Variants in OR1M1 observed in about 807,000 individuals in gnomAD.
The protein encoded by OR1M1 is olfactory receptor family 1 subfamily M member 1.
For missense variants in OR1M1, 397 were observed against 401.8 expected, an observed-to-expected ratio of 0.99 and a Z score of 0.10; for synonymous variants, 157 against 165.5, an observed-to-expected ratio of 0.95 and a Z score of 0.39.
rs747874489 is a variant in OR1M1, at chr19:9,093,293, C to G, written c.49C>G (p.Leu17Val). 2 of 1,613,690 alleles carry G rather than the reference C, an allele frequency of 1.2e-6. No individual in the cohort carries two copies. The highest frequency in any genetic ancestry group is 1.7e-6 in the Non-Finnish European group (2 of 1,179,874). ...TSASQFILLG[L>V]SEKPEQETLL... ...TGCATCTCAATTCATCCTCCTGGGA[C>G]TCTCAGAAAAGCCAGAGCAGGAGAC... Residue 17 changes from leucine (L) to valine (V), a missense_variant, in exon 2 of 2, where the codon CTC (leucine) becomes GTC (valine). Leu to Val is a conservative substitution (Grantham distance 32). Coordinates refer to ENST00000641627, the MANE Select transcript of OR1M1 (RefSeq NM_001004456.2).
Position 9,093,242 on chromosome 19 carries a change from C to T in OR1M1, c.-3C>T, listed in dbSNP as rs773968677. 6 of 1,595,820 alleles carry T rather than the reference C, an allele frequency of 3.8e-6. No individual in the cohort carries two copies. The East Asian group carries it at 1.1e-4, about 30-fold the overall frequency. On this transcript the variant is annotated 5_prime_UTR_variant, in exon 2 of 2. Coordinates refer to ENST00000641627, the MANE Select transcript of OR1M1 (RefSeq NM_001004456.2). ...TTTCCATACTTCCAGAGGAATCACACCCATGGAACCAAGAAACCAAACCAG... is the reference window on the plus strand; with the variant it reads ...TTTCCATACTTCCAGAGGAATCACATCCATGGAACCAAGAAACCAAACCAG...
At chr19:9,093,073 T>TAA (rs1491249156) in intron 1 of OR1M1, 159 bp from the exon 2 acceptor site, 1 of 448,856 alleles carries the variant, frequency 2.2e-6, no homozygotes, top group African/African-American at 2.4e-5. Context: ...ATATATATTC[T>TAA]ATATATACAC....
chr19:9,093,932 T>A lies in OR1M1; in HGVS notation c.688T>A (p.Ser230Thr). 1 of 1,614,184 alleles carries A rather than the reference T, an allele frequency of 6.2e-7. No homozygotes were observed. Among genetic ancestry groups the A allele is most frequent in the Non-Finnish European group, 8.5e-7 (1 of 1,180,034 alleles). The change falls in exon 2 of 2, where the codon TCT becomes ACT. Residue 230 changes from serine (S) to threonine (T), a missense_variant. Ser to Thr is a moderately conservative substitution (Grantham distance 58, BLOSUM62 1). Coordinates refer to ENST00000641627, the MANE Select transcript of OR1M1 (RefSeq NM_001004456.2). The part of the protein sequence containing the change: ...RILVAIMKVP[S>T]AGGRKKAFST... ...CCTTGTGGCCATCATGAAGGTCCCC[T>A]CTGCAGGCGGCAGGAAGAAAGCCTT...
chr19:9,093,169 G>A (rs982746029), intron 1 of OR1M1, 63 bp from the exon 2 acceptor site: 92 of 923,832 alleles, frequency 1.0e-4, no homozygotes, highest in Non-Finnish European at 3.8e-5. Flanking sequence ...GGATGTGATC[G>A]CATCTAACTT....
In OR1M1 at chr19:9,093,963, C is replaced by A. The variant is rs1238713137; in HGVS notation, c.719C>A (p.Thr240Asn). The part of the protein sequence containing the change: ...SAGGRKKAFS[T>N]CSSHLSVVAL... Reference sequence around the variant, plus strand: ...GGCGGCAGGAAGAAAGCCTTCTCCACCTGCAGCTCCCACCTGTCTGTGGTT... The same window carrying A: ...GGCGGCAGGAAGAAAGCCTTCTCCAACTGCAGCTCCCACCTGTCTGTGGTT... Residue 240 changes from threonine to asparagine, a missense_variant, in exon 2 of 2, where the codon ACC becomes AAC. Thr to Asn is a moderately conservative substitution (Grantham distance 65). Coordinates refer to ENST00000641627, the MANE Select transcript of OR1M1 (RefSeq NM_001004456.2). 5.0e-6 allele frequency: 8 copies of A among 1,614,064 alleles called. No individual in the cohort carries two copies. The highest frequency in any genetic ancestry group is 1.6e-4 in the Middle Eastern group (1 of 6,084).
intron 1 of OR1M1, among the ~76,000 whole-genome samples, chr19:9,091,618 C>T (rs534239611): frequency 1.3e-5 from 2 of 151,598 alleles, no homozygotes; most frequent in African/African-American, 4.8e-5. Context: ...AAGATCGTGC[C>T]ACTGCACTCC....
chr19:9,092,677 G>A (rs1194468394), intron 1 of OR1M1, among the ~76,000 whole-genome samples: 1 of 151,776 alleles, frequency 6.6e-6, no homozygotes, highest in Non-Finnish European at 1.5e-5. Flanking sequence ...CGAGGTGGGC[G>A]GATCACGAGG....
At chr19:9,088,954 A>G (rs2050278711) in intron 1 of OR1M1, among the ~76,000 whole-genome samples, 1 of 152,164 alleles carries the variant, frequency 6.6e-6, no homozygotes, top group South Asian at 2.1e-4. Context: ...TGAGGTACAT[A>G]GTAATGTTTC....
In OR1M1 at chr19:9,088,959, T is replaced by C. The variant is rs1358274060; in HGVS notation, c.-14+1802T>C. On this transcript the variant is annotated intron_variant, in intron 1 of 1. Coordinates refer to ENST00000641627, the MANE Select transcript of OR1M1 (RefSeq NM_001004456.2). ...TATATATTTATGAGGTACATAGTAA[T>C]GTTTCCATATATGTAATGTATAGTG... Among the ~76,000 whole-genome samples the C allele has an allele frequency of 3.9e-5, 6 of 152,194 alleles. No individual in the cohort carries two copies. The East Asian group carries it at 1.2e-3, about 29-fold the overall frequency.
In OR1M1 at chr19:9,088,813, G is replaced by A. The variant is rs115724969; in HGVS notation, c.-14+1656G>A. Among the ~76,000 whole-genome samples the A allele has an allele frequency of 8.9e-3, 1,353 of 151,812 alleles. 21 individuals are homozygous for A. The highest frequency in any genetic ancestry group is 0.03 in the African/African-American group (1,234 of 41,408). On this transcript the variant is annotated intron_variant, in intron 1 of 1. Transcript: ENST00000641627. ...TGAGGCCAGAGAACCATTTATATCCGGGAGGCAGAGGTTGCAGTGAGCTGA... is the reference window on the plus strand; with the variant it reads ...TGAGGCCAGAGAACCATTTATATCCAGGAGGCAGAGGTTGCAGTGAGCTGA...
chr19:9,089,086 A>G (rs941890512), intron 1 of OR1M1, among the ~76,000 whole-genome samples: 8 of 152,244 alleles, frequency 5.3e-5, no homozygotes, highest in African/African-American at 1.9e-4. Context: ...GCTATATAGC[A>G]TATTATTGTT....
In OR1M1 at chr19:9,093,696, T is replaced by C. The variant is rs749116821; in HGVS notation, c.452T>C (p.Phe151Ser). The C allele has an allele frequency of 5.6e-6, 9 of 1,613,970 alleles. No individual in the cohort carries two copies. The highest frequency in any genetic ancestry group is 3.3e-5 in the Admixed American group (2 of 59,996). The change falls in exon 2 of 2, where the codon TTT (phenylalanine) becomes TCT (serine). Residue 151 changes from phenylalanine (F) to serine (S), a missense_variant. Coordinates refer to ENST00000641627, the MANE Select transcript of OR1M1 (RefSeq NM_001004456.2). Reference protein sequence around the residue: ...CRLLVGALWAFSCFISLTHIL... With the variant: ...CRLLVGALWASSCFISLTHIL... ...CTGCTGGTCGGCGCCCTCTGGGCGT[T>C]TTCCTGCTTCATCTCACTCACTCAC...
At position 9,087,153 on chromosome 19, in the gene OR1M1, G is replaced by C. The variant is rs138512494; in HGVS notation, c.-18G>C. The C allele has an allele frequency of 1.2e-4, 16 of 131,816 alleles. No homozygotes were observed. Among genetic ancestry groups the C allele is most frequent in the African/African-American group, 4.5e-4 (15 of 33,654 alleles). 8.2% of individuals were successfully genotyped at this position (131,816 alleles called of 1,614,324 possible). A position where few individuals can be genotyped will look rare whatever the true frequency, so the allele number is the denominator to read the frequency against. ...GATGGTGTCAAGAAGAGGAAAGATA[G>C]CCCAGTGAGTGAGCTGAGAGAGAGA... On this transcript the variant is annotated 5_prime_UTR_variant, in exon 1 of 2. Coordinates refer to ENST00000641627, the MANE Select transcript of OR1M1 (RefSeq NM_001004456.2).
At chr19:9,089,120 A>G (rs2050279406) in intron 1 of OR1M1, among the ~76,000 whole-genome samples, 1 of 152,178 alleles carries the variant, frequency 6.6e-6, no homozygotes, top group South Asian at 2.1e-4. Context: ...CTACAGGGAT[A>G]TAGAACACTA....
In OR1M1 at chr19:9,093,834, T is replaced by A; in HGVS notation, c.590T>A (p.Ile197Asn). Residue 197 changes from isoleucine to asparagine, a missense_variant, in exon 2 of 2, where the codon ATC becomes AAC. Physicochemically the swap from Ile to Asn is moderately radical, Grantham distance 149 (BLOSUM62 -3). Coordinates refer to ENST00000641627, the MANE Select transcript of OR1M1 (RefSeq NM_001004456.2). ...LSCTDTSVNR[I>N]FILIVAGMVI... is the part of the protein sequence containing the mutation. ...TGCACGGACACCTCTGTGAATAGGATCTTCATCCTCATTGTGGCAGGGATG... is the reference window on the plus strand; with the variant it reads ...TGCACGGACACCTCTGTGAATAGGAACTTCATCCTCATTGTGGCAGGGATG... 4.3e-6 allele frequency: 7 copies of A among 1,614,078 alleles called. No homozygotes were observed. The highest frequency in any genetic ancestry group is 5.9e-6 in the Non-Finnish European group (7 of 1,180,030).
rs1600199659 is a variant in OR1M1 at position 9,093,765 on chromosome 19, T to G, written c.521T>G (p.Val174Gly). ...CTCGTTTTCTGCGGCAGCCATGAGG[T>G]GCCTCACTACTTCTGCGACCTCACT... is the stretch of plus-strand genomic sequence containing the variant. ...ARLVFCGSHE[V>G]PHYFCDLTPI... is the part of the protein sequence containing the mutation. The change falls in exon 2 of 2, where the codon GTG becomes GGG. Residue 174 changes from valine to glycine, a missense_variant. Coordinates refer to ENST00000641627, the MANE Select transcript of OR1M1 (RefSeq NM_001004456.2). The G allele has an allele frequency of 6.2e-7, 1 of 1,613,946 alleles. No homozygotes were observed. The highest frequency in any genetic ancestry group is 1.3e-5 in the African/African-American group (1 of 75,056).
At position 9,094,821 on chromosome 19, in the gene OR1M1, T is replaced by G. The variant is rs1470830071; in HGVS notation, c.*635T>G. On this transcript the variant is annotated 3_prime_UTR_variant, in exon 2 of 2. Coordinates refer to ENST00000641627, the MANE Select transcript of OR1M1 (RefSeq NM_001004456.2). The stretch of plus-strand genomic sequence containing the variant: ...TTTCTTTTTGTTTTCTTTTTTGTTT[T>G]TGAGACAGAGTCTCATTCTGTCACC... 6.6e-6 allele frequency: 1 copy of G among 152,088 alleles called. No homozygotes were observed. Among genetic ancestry groups the G allele is most frequent in the Non-Finnish European group, 1.5e-5 (1 of 68,354 alleles). 9.4% of individuals were successfully genotyped at this position (152,088 alleles called of 1,614,324 possible).
rs1303498670 is a variant in OR1M1 at position 9,094,044 on chromosome 19, C to G, written c.800C>G (p.Thr267Ser). 6.2e-7 allele frequency: 1 copy of G among 1,614,066 alleles called. No individual in the cohort carries two copies. The highest frequency in any genetic ancestry group is 8.5e-7 in the Non-Finnish European group (1 of 1,180,018). Residue 267 changes from threonine to serine, a missense_variant, in exon 2 of 2, where the codon ACC (threonine) becomes AGC (serine). Thr to Ser is a moderately conservative substitution (Grantham distance 58). Coordinates refer to ENST00000641627, the MANE Select transcript of OR1M1 (RefSeq NM_001004456.2). The part of the protein sequence containing the change: ...GVYLCPSSVL[T>S]TVKEKASAVM... Reference sequence around the variant, plus strand: ...TATCTGTGTCCCTCCTCGGTCCTCACCACTGTGAAGGAGAAAGCTTCTGCG... The same window carrying G: ...TATCTGTGTCCCTCCTCGGTCCTCAGCACTGTGAAGGAGAAAGCTTCTGCG...
In OR1M1 at chr19:9,093,580, C is replaced by A. The variant is rs757891606; in HGVS notation, c.336C>A (p.Ser112Arg). The part of the protein sequence containing the change: ...YFFHFFGIVD[S>R]VIIAMMAYDR... The stretch of plus-strand genomic sequence containing the variant: ...TCCATTTCTTTGGCATCGTGGACAG[C>A]GTCATAATCGCCATGATGGCTTATG... Residue 112 changes from serine to arginine, a missense_variant, in exon 2 of 2, where the codon AGC becomes AGA. By Grantham distance (110) the Ser-to-Arg change is moderately radical. Coordinates refer to ENST00000641627, the MANE Select transcript of OR1M1 (RefSeq NM_001004456.2). 6.2e-7 allele frequency: 1 copy of A among 1,613,978 alleles called. No homozygotes were observed. Among genetic ancestry groups the A allele is most frequent in the Non-Finnish European group, 8.5e-7 (1 of 1,179,966 alleles).
Sources: gnomAD v4.1 joint callset for allele counts (sites outside exome capture counted in the v4.1 genomes callset) on GRCh38, gnomAD v4.1.1 for gene constraint, MANE v1.5 for transcripts, NCBI Gene and HGNC (gene_info 2026-07-23, HGNC 2026-07-21) for gene names.